Variants in DNM3 observed in about 807,000 individuals in gnomAD.
DNM3 encodes the protein dynamin-3.
In DNM3, 47 loss-of-function variants were observed where a neutral mutation model predicts 101.6. The observed-to-expected ratio is 0.46, with a 90% CI of 0.37 to 0.59. The LOEUF (loss-of-function observed/expected upper bound fraction) is 0.59, where lower values mean the gene tolerates loss of function less well. Ranked by LOEUF, DNM3 falls within the 20% of genes least tolerant of loss-of-function variation. The pLI is 0.00. For missense variants in DNM3, 849 were observed against 1,085.7 expected (o/e 0.78, Z 3.06); for synonymous variants, 385 against 387.9 (o/e 0.99, Z 0.09).
intron 14 of DNM3, among the ~76,000 whole-genome samples, chr1:172,143,181 A>T (rs192182879): frequency 8.9e-4 from 135 of 152,250 alleles, no homozygotes; most frequent in African/African-American, 2.6e-3. Flanking sequence ...TTTGCTAAAG[A>T]GAACTTGAGT....
intron 10 of DNM3, among the ~76,000 whole-genome samples, chr1:172,063,328 G>T (rs917547920): frequency 6.6e-6 from 1 of 151,186 alleles, no homozygotes; most frequent in Admixed American, 6.6e-5. Context: ...CATTTTGGAA[G>T]TGTATAATTT....
chr1:171,993,498 C>CTTTTTTTTTTTTTTTTTTTTTTTTT (rs145178902), intron 4 of DNM3, among the ~76,000 whole-genome samples: 2 of 128,694 alleles, frequency 1.6e-5, no homozygotes, highest in African/African-American at 2.9e-5. Flanking sequence ...TTTCAAGATT[C>CTTTTTTTTTTTTTTTTTTTTTTTTT]TTTTTTTTTT....
At chr1:172,059,048 C>A (rs1438912335) in intron 10 of DNM3, among the ~76,000 whole-genome samples, 1 of 151,988 alleles carries the variant, frequency 6.6e-6, no homozygotes, top group African/African-American at 2.4e-5. Flanking sequence ...AAACTACCAT[C>A]AGAGAATACT....
At chr1:171,916,410 T>C (rs2039714238) in intron 1 of DNM3, among the ~76,000 whole-genome samples, 1 of 152,226 alleles carries the variant, frequency 6.6e-6, no homozygotes, top group Admixed American at 6.5e-5. Flanking sequence ...CTGTCCTGGT[T>C]AGTGATACCA....
intron 14 of DNM3, among the ~76,000 whole-genome samples, chr1:172,194,842 G>A (rs2059888995): frequency 6.6e-6 from 1 of 151,956 alleles, no homozygotes; most frequent in Non-Finnish European, 1.5e-5. Flanking sequence ...CTTTTAATTG[G>A]AGTCTTTAGC....
At chr1:172,317,823 G>A (rs1249159415) in intron 16 of DNM3, among the ~76,000 whole-genome samples, 1 of 151,864 alleles carries the variant, frequency 6.6e-6, no homozygotes, top group African/African-American at 2.4e-5. Context: ...AGGAGGAACT[G>A]GTAGCATTCC....
chr1:172,153,780 C>T (rs1465621601), intron 14 of DNM3, among the ~76,000 whole-genome samples: 2 of 152,072 alleles, frequency 1.3e-5, no homozygotes, highest in East Asian at 1.9e-4. Context: ...ACAAATAGCT[C>T]CCAAACTAAT....
chr1:171,941,741 G>A (rs1159047136), intron 2 of DNM3, among the ~76,000 whole-genome samples: 1 of 152,090 alleles, frequency 6.6e-6, no homozygotes, highest in African/African-American at 2.4e-5. Context: ...ATATTAATTA[G>A]GAAAGAAAGT....
At chr1:172,287,865 C>T (rs2063759649) in intron 15 of DNM3, among the ~76,000 whole-genome samples, 1 of 151,706 alleles carries the variant, frequency 6.6e-6, no homozygotes, top group South Asian at 2.1e-4. Context: ...GCTCTGTTGC[C>T]AGGCTGTGGT....
intron 17 of DNM3, among the ~76,000 whole-genome samples, chr1:172,344,215 A>G (rs2066826824): frequency 6.6e-6 from 1 of 152,188 alleles, no homozygotes; most frequent in African/African-American, 2.4e-5. Context: ...TTGGCAAAAA[A>G]TGCCTCTCAT....
intron 2 of DNM3, among the ~76,000 whole-genome samples, chr1:171,948,280 C>A (rs1392295001): frequency 1.3e-5 from 2 of 152,094 alleles, no homozygotes; most frequent in Non-Finnish European, 2.9e-5. Flanking sequence ...TTGTTTAAGA[C>A]CTCACAATTT....
At chr1:172,335,224 G>T (rs1248977034) in intron 17 of DNM3, among the ~76,000 whole-genome samples, 1 of 152,092 alleles carries the variant, frequency 6.6e-6, no homozygotes, top group African/African-American at 2.4e-5. Context: ...TAAACCCAAA[G>T]ATTCAGCTAT....
At chr1:172,058,287 G>A (rs547575736) in intron 10 of DNM3, among the ~76,000 whole-genome samples, 27 of 151,902 alleles carry the variant, frequency 1.8e-4, no homozygotes, top group East Asian at 3.9e-4. Context: ...ACAGATCAAC[G>A]AGACAGAAAC....
At chr1:171,980,345 T>C (rs2044696430) in intron 2 of DNM3, among the ~76,000 whole-genome samples, 1 of 152,124 alleles carries the variant, frequency 6.6e-6, no homozygotes, top group African/African-American at 2.4e-5. Context: ...ATTGTACATA[T>C]TTATGGAGTA....
chr1:171,921,383 G>T (rs1005266358), intron 1 of DNM3, among the ~76,000 whole-genome samples: 4 of 152,264 alleles, frequency 2.6e-5, no homozygotes, highest in African/African-American at 9.6e-5. Flanking sequence ...TTATCAAAAA[G>T]AGTTTAAGAA....
intron 17 of DNM3, among the ~76,000 whole-genome samples, chr1:172,367,242 C>G (rs1419029422): frequency 6.6e-6 from 1 of 151,692 alleles, no homozygotes; most frequent in African/African-American, 2.4e-5. Flanking sequence ...GCCAAGAATA[C>G]TATACCTACA....
At chr1:171,965,542 C>T (rs537691833) in intron 2 of DNM3, among the ~76,000 whole-genome samples, 18 of 150,518 alleles carry the variant, frequency 1.2e-4, no homozygotes, top group Non-Finnish European at 2.4e-4. Flanking sequence ...CAGAGCTAGA[C>T]CCTGTCTCAA....
chr1:172,042,089 G>A lies in DNM3; in HGVS notation c.1073G>A (p.Gly358Asp). 6.2e-7 allele frequency: 1 copy of A among 1,611,526 alleles called. No homozygotes were observed. The highest frequency in any genetic ancestry group is 8.5e-7 in the Non-Finnish European group (1 of 1,179,160). The change falls in exon 8 of 21, where the codon GGT becomes GAT. Residue 358 changes from glycine to aspartate, a missense_variant. Coordinates refer to ENST00000627582, the MANE Select transcript of DNM3 (RefSeq NM_015569.5). ...CAAGTAGATACCCTGGAACTCTCAG[G>A]TGGTGCTAAAATCAATCGTATTTTT... is the stretch of plus-strand genomic sequence containing the variant. Reference protein sequence around the residue: ...GDQVDTLELSGGAKINRIFHE... With the variant: ...GDQVDTLELSDGAKINRIFHE...
intron 15 of DNM3, among the ~76,000 whole-genome samples, chr1:172,263,084 T>C (rs1209361051): frequency 1.3e-5 from 2 of 152,196 alleles, no homozygotes; most frequent in African/African-American, 4.8e-5. Flanking sequence ...CTTCCTGCAG[T>C]TTTGGCTGAA....
Sources: gnomAD v4.1 joint callset for allele counts (sites outside exome capture counted in the v4.1 genomes callset) on GRCh38, gnomAD v4.1.1 for gene constraint, MANE v1.5 for transcripts, NCBI Gene and HGNC (gene_info 2026-07-23, HGNC 2026-07-21) for gene names.